Variants in LRRC18 observed in about 807,000 individuals in gnomAD.
The protein encoded by LRRC18 is leucine-rich repeat-containing protein 18.
Under a neutral mutation model 11.2 loss-of-function variants are expected in LRRC18, and 12 were observed. That is an observed-to-expected ratio of 1.07 (90% confidence interval 0.69 to 1.74). The LOEUF (loss-of-function observed/expected upper bound fraction) is 1.74. Ranked by LOEUF, LRRC18 falls within the 40% of genes most tolerant of loss-of-function variation. The probability of loss-of-function intolerance (pLI) is 0.00; values close to 1 mark genes in which losing one functional copy is unlikely to be tolerated. For synonymous variants in LRRC18, 155 were observed against 130.6 expected, an observed-to-expected ratio of 1.19 and a Z score of -1.27; for missense variants, 374 against 330.5, an observed-to-expected ratio of 1.13 and a Z score of -1.02.
At chr10:48,933,072 A>G in the LRRC18 span, among the ~76,000 whole-genome samples, 2 of 152,166 alleles carry the variant, frequency 1.3e-5, no homozygotes, top group Admixed American at 1.3e-4. Flanking sequence ...GGCCAGCTGC[A>G]GGCAGGAGAA....
At chr10:48,919,903 T>C in the LRRC18 span, among the ~76,000 whole-genome samples, 2 of 152,164 alleles carry the variant, frequency 1.3e-5, no homozygotes, top group African/African-American at 4.8e-5. Context: ...TCTCAACGTA[T>C]TTTCTGATGT....
exon 1 of LRRC18, chr10:48,913,531 C>A (rs765969044): frequency 6.2e-7 from 1 of 1,614,030 alleles, no homozygotes; most frequent in Admixed American, 1.7e-5. Context: ...CTCAGGCAAG[C>A]CGCACACAGA....
upstream of LRRC18, among the ~76,000 whole-genome samples, chr10:48,918,789 T>A (rs1838781624): frequency 6.6e-6 from 1 of 152,196 alleles, no homozygotes; most frequent in South Asian, 2.1e-4. Context: ...AGACCTGCCT[T>A]GTACATTGTA....
rs370863975 is a variant in LRRC18, at chr10:48,913,467, G to A, written c.689C>T (p.Thr230Met). The change falls in exon 1 of 2, where the codon ACG becomes ATG. Residue 230 changes from threonine to methionine, a missense_variant. By Grantham distance (81) the Thr-to-Met change is moderately conservative (BLOSUM62 -1). Coordinates refer to ENST00000374160, the Ensembl canonical transcript of LRRC18. ...GGGAAAGATGGTCTTTCTCGGTGTC[G>A]TCGTGGCCATGTTCTTGATTCTATT... is the stretch of plus-strand genomic sequence containing the variant. 78 of 1,582,742 alleles carry A rather than the reference G, an allele frequency of 4.9e-5. 1 individual carries two copies. The highest frequency in any genetic ancestry group is 3.9e-4 in the East Asian group (17 of 43,622).
the LRRC18 span, among the ~76,000 whole-genome samples, chr10:48,937,078 G>A: frequency 4.0e-5 from 6 of 151,878 alleles, no homozygotes; most frequent in Non-Finnish European, 8.8e-5. Context: ...ATTTTTAGTA[G>A]AGACGAGGTT....
upstream of LRRC18, among the ~76,000 whole-genome samples, chr10:48,916,176 C>T (rs1030358509): frequency 5.3e-5 from 8 of 152,164 alleles, no homozygotes; most frequent in African/African-American, 1.7e-4. Flanking sequence ...CACAAGTTTC[C>T]TGAACTCCTT....
chr10:48,929,538 C>G, the LRRC18 span, among the ~76,000 whole-genome samples: 12 of 152,204 alleles, frequency 7.9e-5, no homozygotes, highest in Admixed American at 7.9e-4. Context: ...GCCCCTTGCT[C>G]CTCTTCTCTG....
chr10:48,923,496 G>GTATTTATATATATATATATATATATA, the LRRC18 span, among the ~76,000 whole-genome samples: 1 of 63,214 alleles, frequency 1.6e-5, no homozygotes, highest in Admixed American at 2.2e-4. Context: ...ATAGTTTTTA[G>GTATTTATATATATATATATATATATA]TATATATATA....
upstream of LRRC18, among the ~76,000 whole-genome samples, chr10:48,918,912 CA>C (rs1405039455): frequency 6.6e-6 from 1 of 152,140 alleles, no homozygotes; most frequent in Non-Finnish European, 1.5e-5. Flanking sequence ...CACTGAGGAG[CA>C]AAATTGCCTG....
intron 1 of LRRC18, chr10:48,910,824 G>A (rs895084151): frequency 2.2e-4 from 164 of 748,568 alleles, no homozygotes; most frequent in Non-Finnish European, 2.5e-4. Flanking sequence ...ACCAAGCATG[G>A]CAAGAAGTGT....
chr10:48,923,268 T>C, the LRRC18 span, among the ~76,000 whole-genome samples: 1 of 151,888 alleles, frequency 6.6e-6, no homozygotes, highest in South Asian at 2.1e-4. Flanking sequence ...GGGGATGTTG[T>C]GTACCACAGG....
At chr10:48,934,286 A>G in the LRRC18 span, among the ~76,000 whole-genome samples, 311 of 152,346 alleles carry the variant, frequency 2.0e-3, no homozygotes, top group Non-Finnish European at 3.7e-3. Flanking sequence ...TTTTTAGCAC[A>G]TTAAAATGAG....
upstream of LRRC18, among the ~76,000 whole-genome samples, chr10:48,915,670 C>T (rs1838455064): frequency 1.3e-5 from 2 of 152,202 alleles, no homozygotes; most frequent in Admixed American, 1.3e-4. Context: ...AAGCCTGTCT[C>T]ACACCTACTG....
the LRRC18 span, among the ~76,000 whole-genome samples, chr10:48,934,371 C>T: frequency 2.6e-5 from 4 of 152,224 alleles, no homozygotes; most frequent in Non-Finnish European, 4.4e-5. Context: ...AATTGAGTCA[C>T]AACTGCCTGA....
chr10:48,916,679 G>A (rs2940716), upstream of LRRC18, among the ~76,000 whole-genome samples: 36,410 of 152,046 alleles, frequency 0.24, 4,741 homozygotes, highest in African/African-American at 0.29. Flanking sequence ...GATTGCAACA[G>A]GGAAGAAATT....
At chr10:48,917,832 G>T (rs1443145054), upstream of LRRC18, among the ~76,000 whole-genome samples, 2 of 152,220 alleles carry the variant, frequency 1.3e-5, no homozygotes, top group African/African-American at 4.8e-5. Context: ...CTGAGTAAAT[G>T]TGGAGTATTT....
At chr10:48,917,340 GA>G (rs748304808), upstream of LRRC18, among the ~76,000 whole-genome samples, 8 of 152,138 alleles carry the variant, frequency 5.3e-5, no homozygotes, top group Non-Finnish European at 1.2e-4. Context: ...ACATTTGAAG[GA>G]AAAATGGCTG....
At chr10:48,935,318 A>C in the LRRC18 span, 1 of 152,226 alleles carries the variant, frequency 6.6e-6, no homozygotes, top group Non-Finnish European at 1.5e-5. Flanking sequence ...TCTCTAAGAC[A>C]CTCTAATTTC....
the LRRC18 span, among the ~76,000 whole-genome samples, chr10:48,937,179 C>T: frequency 1.3e-5 from 2 of 152,268 alleles, no homozygotes; most frequent in Admixed American, 1.3e-4. Flanking sequence ...CACGTGTGAG[C>T]CACTGTGCCA....
Sources: allele counts gnomAD v4.1 joint callset (sites outside exome capture counted in the v4.1 genomes callset), GRCh38; gene constraint gnomAD v4.1.1; transcripts MANE v1.5; gene names NCBI Gene and HGNC (gene_info 2026-07-23, HGNC 2026-07-21).